ADAMTS17: variants seen among roughly 807,000 people sequenced by gnomAD.
ADAMTS17 encodes the protein A disintegrin and metalloproteinase with thrombospondin motifs 17.
In ADAMTS17, 113 loss-of-function variants were observed where a neutral mutation model predicts 141.5. The observed-to-expected ratio is 0.80, with a 90% CI of 0.69 to 0.93. The LOEUF is 0.93. Among genes scored for constraint, ADAMTS17 ranks in the 40% least tolerant of loss-of-function variants. The pLI is 0.00. For synonymous variants in ADAMTS17, 768 were observed against 630.6 expected (o/e 1.22, Z -3.27); for missense variants, 1,659 against 1,517.9 (o/e 1.09, Z -1.54).
At chr15:100,076,750 A>G (rs1596358975) in intron 15 of ADAMTS17, among the ~76,000 whole-genome samples, 1 of 152,220 alleles carries the variant, frequency 6.6e-6, no homozygotes, top group Non-Finnish European at 1.5e-5. Flanking sequence ...ACACTTGAGT[A>G]TACTTTCTCA....
chr15:100,250,248 A>C (rs764354658), intron 7 of ADAMTS17, among the ~76,000 whole-genome samples: 6 of 152,186 alleles, frequency 3.9e-5, no homozygotes, highest in Non-Finnish European at 7.4e-5. Flanking sequence ...CAACAAAAAA[A>C]CGCTGTTATA....
At chr15:100,035,394 C>T (rs73472440) in intron 18 of ADAMTS17, among the ~76,000 whole-genome samples, 1,662 of 152,186 alleles carry the variant, frequency 0.011, 35 homozygotes, top group African/African-American at 0.037. Context: ...CATATATTAT[C>T]GAGGAAAGAC....
At chr15:99,976,464 G>C (rs1228583644) in intron 20 of ADAMTS17, 10 of 617,372 alleles carry the variant, frequency 1.6e-5, no homozygotes, top group Middle Eastern at 8.5e-4. Context: ...GCTGGGCACT[G>C]TGTGTCATGC....
intron 4 of ADAMTS17, among the ~76,000 whole-genome samples, chr15:100,265,048 T>C (rs1462341083): frequency 6.6e-6 from 1 of 152,204 alleles, no homozygotes; most frequent in African/African-American, 2.4e-5. Flanking sequence ...CTAGCAAGCC[T>C]TGTAAGAAGA....
intron 20 of ADAMTS17, among the ~76,000 whole-genome samples, chr15:99,983,863 TTC>T (rs1389755378): frequency 6.6e-6 from 1 of 152,144 alleles, no homozygotes; most frequent in African/African-American, 2.4e-5. Flanking sequence ...TAACTGCAGT[TTC>T]TACTGAAAAG....
chr15:100,290,263 C>T (rs572838066), intron 3 of ADAMTS17, among the ~76,000 whole-genome samples: 6 of 152,070 alleles, frequency 3.9e-5, no homozygotes, highest in African/African-American at 1.2e-4. Context: ...ACAATAACAA[C>T]AACAAAAAAT....
chr15:100,042,432 ATTTC>A (rs1195166701), intron 18 of ADAMTS17, among the ~76,000 whole-genome samples: 3 of 152,244 alleles, frequency 2.0e-5, no homozygotes, highest in African/African-American at 4.8e-5. Context: ...CTATGCACAG[ATTTC>A]TTTCTTCTTT....
chr15:100,324,024 CAAA>C (rs35999702), intron 3 of ADAMTS17, among the ~76,000 whole-genome samples: 11 of 133,130 alleles, frequency 8.3e-5, no homozygotes, highest in Admixed American at 2.9e-4. Context: ...TCCTTTCTCT[CAAA>C]AAAAAAAAAA....
At chr15:100,338,873 A>G (rs2046283316) in intron 2 of ADAMTS17, 45 of 847,956 alleles carry the variant, frequency 5.3e-5, no homozygotes, top group Non-Finnish European at 6.4e-5. Flanking sequence ...CTAGTCTGCA[A>G]TGCAAACTTG....
At chr15:100,223,292 A>G (rs1392423412) in intron 7 of ADAMTS17, among the ~76,000 whole-genome samples, 1 of 152,240 alleles carries the variant, frequency 6.6e-6, no homozygotes, top group African/African-American at 2.4e-5. Flanking sequence ...CAAAGCCACC[A>G]AAGAGTCAGT....
intron 3 of ADAMTS17, among the ~76,000 whole-genome samples, chr15:100,294,234 T>C (rs1050092763): frequency 2.6e-5 from 4 of 152,182 alleles, no homozygotes; most frequent in Non-Finnish European, 5.9e-5. Context: ...AAATTTTGCA[T>C]GTCCCCAGAA....
At position 99,993,286 on chromosome 15, in the gene ADAMTS17, T is replaced by C. The variant is rs1375564023; in HGVS notation, c.2797-86A>G. ...TATTAACTCCCTCCAATGTGCCAGG[T>C]GCGGTGTGGGGATGATACAAAGATG... is the stretch of plus-strand genomic sequence containing the variant. On this transcript the variant is annotated intron_variant, in intron 19 of 21. Transcript: ENST00000268070. The surrounding 1 kb of genome is among the most constrained non-coding windows in gnomAD (Gnocchi z 4.3). 6.4e-7 allele frequency: 1 copy of C among 1,559,092 alleles called. No homozygotes were observed. The highest frequency in any genetic ancestry group is 2.2e-5 in the East Asian group (1 of 44,628).
chr15:100,165,778 C>G (rs1428281330), intron 8 of ADAMTS17, among the ~76,000 whole-genome samples: 1 of 152,170 alleles, frequency 6.6e-6, no homozygotes, highest in African/African-American at 2.4e-5. Flanking sequence ...TATGAGGGAA[C>G]AAAGCCAGTT....
chr15:100,328,596 T>G (rs12592072), intron 3 of ADAMTS17, among the ~76,000 whole-genome samples: 10,391 of 152,204 alleles, frequency 0.068, 842 homozygotes, highest in East Asian at 0.25. Context: ...CTGCTCTTGT[T>G]TTAACTTGTT....
At chr15:100,220,617 G>A (rs1382737773) in intron 7 of ADAMTS17, among the ~76,000 whole-genome samples, 3 of 152,034 alleles carry the variant, frequency 2.0e-5, no homozygotes, top group East Asian at 1.9e-4. Flanking sequence ...GACATAATTC[G>A]AGAAGATTTT....
At chr15:100,000,065 T>C (rs898095569) in intron 18 of ADAMTS17, among the ~76,000 whole-genome samples, 10 of 152,156 alleles carry the variant, frequency 6.6e-5, no homozygotes, top group African/African-American at 2.2e-4. Context: ...ACATTGTCCA[T>C]AAACTGCTTA....
intron 3 of ADAMTS17, among the ~76,000 whole-genome samples, chr15:100,291,507 A>G (rs139525462): frequency 2.6e-5 from 4 of 152,352 alleles, no homozygotes; most frequent in Non-Finnish European, 5.9e-5. Context: ...ACCCAAAGGA[A>G]TATAAATCAT....
rs2060275575 is a variant in ADAMTS17 at position 99,974,402 on chromosome 15, T to G, written c.3288A>C (p.Ter1096CysextTer50). ...TTTGAGCGACCCTTGGGACTGCGTG[T>G]CACGAGTTCGGCGGTGGCTGGCGCA... ...NKMRQPPPNS[*>C] is the part of the protein sequence containing the mutation. Residue 1096 changes from the stop codon to cysteine, a stop_lost, in exon 22 of 22, where the codon TGA becomes TGC. Coordinates refer to ENST00000268070, the MANE Select transcript of ADAMTS17 (RefSeq NM_139057.4). 1 of 1,614,032 alleles carries G rather than the reference T, an allele frequency of 6.2e-7. No individual in the cohort carries two copies. The highest frequency in any genetic ancestry group is 1.3e-5 in the African/African-American group (1 of 74,936).
chr15:100,025,949 A>G (rs984601020), intron 18 of ADAMTS17, among the ~76,000 whole-genome samples: 2 of 152,196 alleles, frequency 1.3e-5, no homozygotes, highest in Non-Finnish European at 2.9e-5. Flanking sequence ...ACATAAATAC[A>G]TAAAAGTATA....
Sources: gnomAD v4.1 joint callset for allele counts (sites outside exome capture counted in the v4.1 genomes callset) on GRCh38, gnomAD v4.1.1 for gene constraint, Gnocchi (gnomAD v3.1) non-coding constraint, MANE v1.5 for transcripts, NCBI Gene and HGNC (gene_info 2026-07-23, HGNC 2026-07-21) for gene names.